The following KCNMA1 variants were observed in gnomAD, a reference collection of about 807,000 sequenced individuals.
KCNMA1 encodes potassium calcium-activated channel subfamily M alpha 1, also known as Calcium-activated potassium channel subunit alpha-1.
A neutral mutation model predicts 140.0 loss-of-function variants in KCNMA1; 29 were observed. That is an observed-to-expected ratio of 0.21 (90% CI 0.15 to 0.28). The LOEUF (loss-of-function observed/expected upper bound fraction) is 0.28, where lower values mean the gene tolerates loss of function less well. KCNMA1 is among the 10% of genes least tolerant of loss of function. KCNMA1 has a pLI of 1.00. For missense variants in KCNMA1, 880 were observed against 1,602.2 expected (o/e 0.55, Z 7.70); for synonymous variants, 612 against 611.9 (o/e 1.00, Z 0.00).
At chr10:77,427,202 G>A (rs2097024522) in intron 1 of KCNMA1, among the ~76,000 whole-genome samples, 1 of 152,202 alleles carries the variant, frequency 6.6e-6, no homozygotes, top group Admixed American at 6.5e-5. Context: ...ATTCCCCAGA[G>A]CCCTGAGCCT....
At chr10:77,513,153 G>A (rs1005239041) in intron 1 of KCNMA1, among the ~76,000 whole-genome samples, 4 of 93,342 alleles carry the variant, frequency 4.3e-5, no homozygotes, top group African/African-American at 1.8e-4. Flanking sequence ...ACCACCTCAT[G>A]CCCTAAACTC....
chr10:76,957,373 A>T (rs2068815746), intron 20 of KCNMA1, among the ~76,000 whole-genome samples: 1 of 152,124 alleles, frequency 6.6e-6, no homozygotes, highest in South Asian at 2.1e-4. Context: ...CAGATGTGCA[A>T]TGACAGTCAA....
At chr10:77,268,144 A>G (rs537251525) in intron 2 of KCNMA1, among the ~76,000 whole-genome samples, 1 of 152,308 alleles carries the variant, frequency 6.6e-6, no homozygotes, top group South Asian at 2.1e-4. Context: ...GGCCTAATAC[A>G]TCCTGACACA....
At chr10:77,254,282 C>T (rs947308568) in intron 2 of KCNMA1, among the ~76,000 whole-genome samples, 3 of 147,896 alleles carry the variant, frequency 2.0e-5, no homozygotes, top group East Asian at 2.0e-4. Flanking sequence ...AGTGCAGTGG[C>T]GCGATCTCAG....
chr10:77,421,795 G>A (rs559808322), intron 1 of KCNMA1, among the ~76,000 whole-genome samples: 13 of 152,308 alleles, frequency 8.5e-5, no homozygotes, highest in Admixed American at 6.5e-4. Flanking sequence ...TCCTAGAGAC[G>A]GAAGCCACGT....
chr10:76,987,996 A>T (rs1373567950), intron 19 of KCNMA1, among the ~76,000 whole-genome samples: 1 of 152,212 alleles, frequency 6.6e-6, no homozygotes, highest in African/African-American at 2.4e-5. Flanking sequence ...ATGGCAGACT[A>T]GCTGAAGAAG....
intron 17 of KCNMA1, among the ~76,000 whole-genome samples, chr10:77,016,174 C>A (rs2091996124): frequency 6.6e-6 from 1 of 152,144 alleles, no homozygotes; most frequent in Non-Finnish European, 1.5e-5. Flanking sequence ...CCCAGCCCAT[C>A]TCTTCTTCCT....
rs77382423 is a variant in KCNMA1 at position 77,473,454 on chromosome 10, G to T, written c.379-69431C>A. 3.1e-3 allele frequency among the ~76,000 whole-genome samples: 475 copies of T among 152,304 alleles called. 4 individuals carry two copies. Among genetic ancestry groups the T allele is most frequent in the African/African-American group, 0.011 (457 of 41,554 alleles). On this transcript the variant is annotated intron_variant, in intron 1 of 27. Transcript: ENST00000286628. ...AAGGGCCTGAAGAGAGTGGCCCAGT[G>T]GTCAGATGTATTCTGTCCATCCCCA... is the stretch of plus-strand genomic sequence containing the variant.
chr10:77,388,878 GCCC>G (rs1184185797), intron 2 of KCNMA1, among the ~76,000 whole-genome samples: 1 of 152,158 alleles, frequency 6.6e-6, no homozygotes, highest in East Asian at 1.9e-4. Flanking sequence ...CAACAACTGA[GCCC>G]CCAACACACA....
intron 1 of KCNMA1, among the ~76,000 whole-genome samples, chr10:77,476,443 G>A (rs2098280155): frequency 6.6e-6 from 1 of 151,994 alleles, no homozygotes; most frequent in African/African-American, 2.4e-5. Context: ...CCCAGCATTG[G>A]TGCTTCCCGC....
intron 10 of KCNMA1, among the ~76,000 whole-genome samples, chr10:77,086,932 G>A (rs1449454728): frequency 2.0e-5 from 3 of 152,200 alleles, no homozygotes; most frequent in Admixed American, 6.5e-5. Context: ...CATTTTATGC[G>A]GACTGTGCCA....
At chr10:76,955,408 A>G (rs1565172106) in intron 20 of KCNMA1, among the ~76,000 whole-genome samples, 1 of 152,174 alleles carries the variant, frequency 6.6e-6, no homozygotes. Flanking sequence ...CTCCCACATA[A>G]GGTGAGAAAA....
At chr10:77,267,597 G>A (rs1459180707) in intron 2 of KCNMA1, among the ~76,000 whole-genome samples, 1 of 152,182 alleles carries the variant, frequency 6.6e-6, no homozygotes, top group Non-Finnish European at 1.5e-5. Context: ...TTGGATCGCT[G>A]TGATGGCTGC....
chr10:77,611,840 G>A (rs2087018866), intron 1 of KCNMA1, among the ~76,000 whole-genome samples: 1 of 152,172 alleles, frequency 6.6e-6, no homozygotes, highest in Admixed American at 6.5e-5. Context: ...TGTGTGCTCA[G>A]ACAAGACTAG....
At chr10:77,170,280 G>C (rs2098689675) in intron 5 of KCNMA1, among the ~76,000 whole-genome samples, 1 of 152,204 alleles carries the variant, frequency 6.6e-6, no homozygotes, top group Non-Finnish European at 1.5e-5. Context: ...GAGCAGGCTT[G>C]GGCCCAGGCC....
chr10:77,319,314 C>T (rs2081702183), intron 2 of KCNMA1, among the ~76,000 whole-genome samples: 1 of 152,172 alleles, frequency 6.6e-6, no homozygotes, highest in African/African-American at 2.4e-5. Flanking sequence ...AGGAACAACA[C>T]AGACTGTTGA....
intron 1 of KCNMA1, among the ~76,000 whole-genome samples, chr10:77,534,917 G>A (rs2058519981): frequency 6.6e-6 from 1 of 152,022 alleles, no homozygotes; most frequent in Non-Finnish European, 1.5e-5. Context: ...CCTACACCCT[G>A]TACCTCCAAC....
At chr10:76,898,841 TAAAA>T (rs1244311602) in intron 25 of KCNMA1, among the ~76,000 whole-genome samples, 1 of 151,882 alleles carries the variant, frequency 6.6e-6, no homozygotes, top group East Asian at 1.9e-4. Flanking sequence ...AATTAAGTAT[TAAAA>T]GAATTCTTTT....
At chr10:77,592,725 C>T (rs986832040) in intron 1 of KCNMA1, among the ~76,000 whole-genome samples, 2 of 152,182 alleles carry the variant, frequency 1.3e-5, no homozygotes, top group African/African-American at 4.8e-5. Flanking sequence ...GATGTTTACC[C>T]GTTTGTGCTT....
Sources: allele counts gnomAD v4.1 joint callset (sites outside exome capture counted in the v4.1 genomes callset), GRCh38; gene constraint gnomAD v4.1.1; transcripts MANE v1.5; gene names NCBI Gene and HGNC (gene_info 2026-07-23, HGNC 2026-07-21).